Variants in TMC3 observed in about 807,000 individuals in gnomAD.
The protein encoded by TMC3 is transmembrane channel-like protein 3.
TMC3 carries 98 observed loss-of-function variants against 110.6 expected under a neutral mutation model. The observed-to-expected ratio is 0.89, with a 90% CI of 0.75 to 1.05. The LOEUF (loss-of-function observed/expected upper bound fraction) is 1.05. Among genes scored for constraint, TMC3 ranks in the 50% least tolerant of loss-of-function variants. TMC3 has a pLI of 0.00. For synonymous variants in TMC3, 489 were observed against 513.1 expected, an observed-to-expected ratio of 0.95 and a Z score of 0.63; for missense variants, 1,319 against 1,373.2, an observed-to-expected ratio of 0.96 and a Z score of 0.62.
intron 11 of TMC3, among the ~76,000 whole-genome samples, chr15:81,347,152 C>G (rs1245142911): frequency 1.3e-5 from 2 of 152,188 alleles, no homozygotes; most frequent in East Asian, 3.9e-4. Context: ...TTGGTTCTTA[C>G]TGGAAACCTG....
chr15:81,351,918 G>T, intron 9 of TMC3, 77 bp from the exon 10 acceptor site: 1 of 1,524,902 alleles, frequency 6.6e-7, no homozygotes, highest in East Asian at 2.4e-5. Flanking sequence ...AACACTACTT[G>T]GGGACTGGAA....
At chr15:81,337,739 G>T in intron 19 of TMC3, 107 bp downstream of exon 19, 1 of 967,558 alleles carries the variant, frequency 1.0e-6, no homozygotes, top group Non-Finnish European at 1.6e-6. Flanking sequence ...GTGGCCAAGA[G>T]TCACAGAAAC....
chr15:81,372,870 CGTGTGTGT>C (rs58420711), intron 1 of TMC3, 133 bp from the exon 2 acceptor site: 13 of 555,724 alleles, frequency 2.3e-5, no homozygotes, highest in African/African-American at 5.6e-5. Context: ...TGTGTTTGTG[CGTGTGTGT>C]GTGTGTGTGT....
chr15:81,332,882 TC>T lies in TMC3; in HGVS notation c.2839del (p.Glu947ArgfsTer17), dbSNP rs1893499811. On this transcript the variant is annotated frameshift_variant, in exon 22 of 22. Transcript: ENST00000359440. LOFTEE classifies it low-confidence loss of function (END_TRUNC). ...PSPQLSEEEE[E>X]TPSRDWIKRS... ...TTTGATCCAATCTCTGCTTGGCGTC[TC>T]CTCCTCTTCTTCACTCAGCTGTGGG... 6.2e-7 allele frequency: 1 copy of T among 1,613,188 alleles called. No homozygotes were observed. Among genetic ancestry groups the T allele is most frequent in the South Asian group, 1.1e-5 (1 of 91,084 alleles).
chr15:81,352,447 G>A (rs1235809600), intron 9 of TMC3, among the ~76,000 whole-genome samples: 1 of 152,174 alleles, frequency 6.6e-6, no homozygotes, highest in Non-Finnish European at 1.5e-5. Flanking sequence ...TGATGCTGGT[G>A]TAAACAAGCC....
At chr15:81,341,046 C>G (rs915056822) in intron 16 of TMC3, among the ~76,000 whole-genome samples, 1 of 152,222 alleles carries the variant, frequency 6.6e-6, no homozygotes, top group Non-Finnish European at 1.5e-5. Context: ...TGGGCATGCT[C>G]TGGTTGCCAT....
Position 81,343,310 on chromosome 15 carries a change from CA to C in TMC3, c.1682del (p.Val561GlyfsTer4). Reference sequence around the variant, plus strand: ...TTCCTTGGTTGTAGACTAAATGTAGCACATTCTCAGCTATTTTGAATTCTCC... The same window carrying C: ...TTCCTTGGTTGTAGACTAAATGTAGCCATTCTCAGCTATTTTGAATTCTCC... Reference protein sequence around the residue: ...EYGEFKIAENVLHLVYNQGMI... With the variant: ...EYGEFKIAENXLHLVYNQGMI... On this transcript the variant is annotated frameshift_variant, in exon 15 of 22. Transcript: ENST00000359440. LOFTEE classifies it high-confidence loss of function. 6.2e-7 allele frequency: 1 copy of C among 1,611,170 alleles called. No homozygotes were observed. The highest frequency in any genetic ancestry group is 8.5e-7 in the Non-Finnish European group (1 of 1,177,340).
At chr15:81,363,190 G>A (rs963193824) in intron 3 of TMC3, among the ~76,000 whole-genome samples, 1 of 151,676 alleles carries the variant, frequency 6.6e-6, no homozygotes, top group African/African-American at 2.4e-5. Context: ...GGCAGAGGTT[G>A]CAGTGAGCCG....
intron 20 of TMC3, 81 bp downstream of exon 20, chr15:81,336,528 A>C: frequency 7.4e-7 from 1 of 1,359,138 alleles, no homozygotes; most frequent in Non-Finnish European, 1.0e-6. Flanking sequence ...AGATCACACC[A>C]CTGCACTCCA....
In TMC3 at chr15:81,333,181, G is replaced by A. The variant is rs1384652418; in HGVS notation, c.2541C>T (p.Ile847=). The change falls in exon 22 of 22, where the codon ATC becomes ATT. Residue 847 remains isoleucine, a synonymous_variant. Transcript: ENST00000359440. ...AAAGAGGTTCTGAGTGTACATCTTC[G>A]ATGTGCGTTGTAAATGTCATAGGTG... ...SRTPMTFTTH[I]EDVHSEPLFR... is the part of the protein sequence containing the mutation. The A allele has an allele frequency of 1.9e-6, 3 of 1,614,002 alleles. No homozygotes were observed. The highest frequency in any genetic ancestry group is 1.7e-5 in the Admixed American group (1 of 60,020).
intron 21 of TMC3, among the ~76,000 whole-genome samples, chr15:81,334,027 A>C (rs1281058369): frequency 6.6e-6 from 1 of 151,776 alleles, no homozygotes; most frequent in Non-Finnish European, 1.5e-5. Context: ...TAAAGACTTG[A>C]ATCTGTATGG....
chr15:81,355,915 A>G (rs1894049922), intron 8 of TMC3, 147 bp from the exon 9 acceptor site: 1 of 582,498 alleles, frequency 1.7e-6, no homozygotes, highest in South Asian at 2.4e-5. Flanking sequence ...TGAATTAGAT[A>G]TCAATAATCT....
chr15:81,349,674 AG>A, intron 10 of TMC3, 107 bp from the exon 11 acceptor site: 1 of 585,458 alleles, frequency 1.7e-6, no homozygotes, highest in Non-Finnish European at 2.6e-6. Flanking sequence ...GGCTTTCCAC[AG>A]GGTCCTTGGA....
In TMC3 at chr15:81,331,684, A is replaced by T. The variant is rs1004862957; in HGVS notation, c.*735T>A. 1.4e-5 allele frequency: 2 copies of T among 144,162 alleles called. No homozygotes were observed. The highest frequency in any genetic ancestry group is 3.0e-5 in the Non-Finnish European group (2 of 67,762). 8.9% of individuals were successfully genotyped at this position (144,162 alleles called of 1,614,324 possible). ...GACAGTCTCCCAATAGATAGAAAAA[A>T]CCTGAAACTGGTGATCGGCAGCTTC... is the stretch of plus-strand genomic sequence containing the variant. On this transcript the variant is annotated 3_prime_UTR_variant, in exon 22 of 22. Transcript: ENST00000359440.
At position 81,360,481 on chromosome 15, in the gene TMC3, G is replaced by C. The variant is rs1189642274; in HGVS notation, c.395-1010C>G. On this transcript the variant is annotated intron_variant, in intron 4 of 21. Coordinates refer to ENST00000359440, the MANE Select transcript of TMC3 (RefSeq NM_001080532.3). ...TTAGGACATTTCCAACTGTTCACCAGGTTGAATAGTTCTATAATAAATAAT... is the reference window on the plus strand; with the variant it reads ...TTAGGACATTTCCAACTGTTCACCACGTTGAATAGTTCTATAATAAATAAT... Among the ~76,000 whole-genome samples the C allele has an allele frequency of 2.0e-5, 3 of 152,124 alleles. No individual in the cohort carries two copies. The East Asian group carries it at 5.8e-4, about 29-fold the overall frequency.
intron 3 of TMC3, among the ~76,000 whole-genome samples, chr15:81,365,228 G>GT (rs1567069948): frequency 6.6e-6 from 1 of 151,890 alleles, no homozygotes; most frequent in African/African-American, 2.4e-5. Context: ...GCATTCTAAA[G>GT]TAAAAGGGGT....
chr15:81,349,681 T>A, intron 10 of TMC3, 114 bp from the exon 11 acceptor site: 2 of 539,996 alleles, frequency 3.7e-6, no homozygotes, highest in Non-Finnish European at 5.9e-6. Flanking sequence ...CACAGGGTCC[T>A]TGGATCCTCC....
Position 81,348,303 on chromosome 15 carries a change from A to T in TMC3, c.1193+1155T>A, listed in dbSNP as rs2141704379. ...AGGTGTTACAAGAGGAAATGGGGAGAAACTAGTGTAGACCAGGTTGAAGGT... is the reference window on the plus strand; with the variant it reads ...AGGTGTTACAAGAGGAAATGGGGAGTAACTAGTGTAGACCAGGTTGAAGGT... On this transcript the variant is annotated intron_variant, in intron 11 of 21. Transcript: ENST00000359440. Among the ~76,000 whole-genome samples, 2 of 152,354 alleles carry T rather than the reference A, an allele frequency of 1.3e-5. 1 individual carries two copies. The highest frequency in any genetic ancestry group is 4.1e-4 in the South Asian group (2 of 4,832).
intron 5 of TMC3, 57 bp downstream of exon 5, chr15:81,359,308 G>C (rs1224304926): frequency 7.9e-7 from 1 of 1,263,264 alleles, no homozygotes; most frequent in Non-Finnish European, 1.1e-6. Flanking sequence ...GCCATTTTAT[G>C]CGACTGCTGT....
Sources: allele counts gnomAD v4.1 joint callset (sites outside exome capture counted in the v4.1 genomes callset), GRCh38; gene constraint gnomAD v4.1.1; transcripts MANE v1.5; gene names NCBI Gene and HGNC (gene_info 2026-07-23, HGNC 2026-07-21).